LRBA: variants seen among roughly 807,000 people sequenced by gnomAD.
LRBA encodes the protein LPS responsive beige-like anchor protein.
LRBA carries 176 observed loss-of-function variants against 330.0 expected under a neutral mutation model. That is an observed-to-expected ratio of 0.53 (90% CI 0.47 to 0.60). The LOEUF (loss-of-function observed/expected upper bound fraction) is 0.60, where lower values mean the gene tolerates loss of function less well. LRBA is among the 20% of genes least tolerant of loss of function. LRBA has a pLI of 0.00. For missense variants in LRBA, 3,259 were observed against 3,444.8 expected (o/e 0.95, Z 1.35); for synonymous variants, 1,230 against 1,193.0 (o/e 1.03, Z -0.64).
intron 36 of LRBA, among the ~76,000 whole-genome samples, chr4:150,723,497 T>C (rs1264931460): frequency 6.6e-6 from 1 of 152,112 alleles, no homozygotes; most frequent in Non-Finnish European, 1.5e-5. Context: ...AAGGATCCAG[T>C]CCTGGTAGGA....
chr4:150,656,450 G>C (rs1001430768), intron 37 of LRBA, among the ~76,000 whole-genome samples: 1 of 152,144 alleles, frequency 6.6e-6, no homozygotes. Flanking sequence ...CCAGAGGTTA[G>C]ATAAAACCAG....
chr4:150,610,194 C>G (rs1775090499), intron 37 of LRBA, among the ~76,000 whole-genome samples: 3 of 152,136 alleles, frequency 2.0e-5, no homozygotes, highest in African/African-American at 7.2e-5. Context: ...GAAGGTCCAG[C>G]TGAGTTTGGA....
At chr4:150,574,500 A>G (rs1770281709) in intron 40 of LRBA, among the ~76,000 whole-genome samples, 1 of 152,028 alleles carries the variant, frequency 6.6e-6, no homozygotes, top group African/African-American at 2.4e-5. Flanking sequence ...AATAATGGAT[A>G]AAGATAGTGA....
intron 35 of LRBA, among the ~76,000 whole-genome samples, chr4:150,745,387 GA>G (rs1732550760): frequency 6.6e-6 from 1 of 151,168 alleles, no homozygotes; most frequent in Admixed American, 6.6e-5. Flanking sequence ...TACTAAAGAT[GA>G]AAAAAAGCTC....
intron 37 of LRBA, among the ~76,000 whole-genome samples, chr4:150,615,827 A>G (rs1775722004): frequency 6.6e-6 from 1 of 152,012 alleles, no homozygotes; most frequent in Admixed American, 6.6e-5. Context: ...AGCCAGTGAC[A>G]TGCAAGCAGA....
intron 2 of LRBA, among the ~76,000 whole-genome samples, chr4:151,007,928 A>G (rs1468952768): frequency 2.6e-5 from 4 of 151,998 alleles, no homozygotes; most frequent in Non-Finnish European, 5.9e-5. Flanking sequence ...TTGACTTAAA[A>G]TGAATCATAG....
intron 16 of LRBA, among the ~76,000 whole-genome samples, chr4:150,894,909 T>G (rs1365068647): frequency 6.6e-6 from 1 of 152,154 alleles, no homozygotes; most frequent in Non-Finnish European, 1.5e-5. Context: ...GAATTGCCTA[T>G]TCAAGAGGAA....
At chr4:150,611,936 T>C (rs1246342524) in intron 37 of LRBA, among the ~76,000 whole-genome samples, 1 of 152,108 alleles carries the variant, frequency 6.6e-6, no homozygotes, top group East Asian at 1.9e-4. Flanking sequence ...AAGGCCTCAC[T>C]CTGTTGCTCA....
chr4:150,279,345 GC>G (rs1747214379), intron 55 of LRBA, among the ~76,000 whole-genome samples: 1 of 152,084 alleles, frequency 6.6e-6, no homozygotes, highest in Non-Finnish European at 1.5e-5. Flanking sequence ...TCCAAGCCTT[GC>G]TTTCTTAGCT....
intron 31 of LRBA, among the ~76,000 whole-genome samples, chr4:150,815,343 T>C (rs1252722209): frequency 6.6e-6 from 1 of 150,464 alleles, no homozygotes; most frequent in Non-Finnish European, 1.5e-5. Flanking sequence ...AAATTATTTC[T>C]TCTCCAAAGG....
At chr4:150,474,969 G>T (rs540191710) in intron 42 of LRBA, among the ~76,000 whole-genome samples, 20 of 152,224 alleles carry the variant, frequency 1.3e-4, no homozygotes, top group African/African-American at 4.3e-4. Flanking sequence ...TTCTTTAGTT[G>T]AAAGTTACTT....
intron 36 of LRBA, among the ~76,000 whole-genome samples, chr4:150,700,918 C>G (rs1785059708): frequency 6.6e-6 from 1 of 151,968 alleles, no homozygotes; most frequent in Non-Finnish European, 1.5e-5. Flanking sequence ...CCACCACACC[C>G]CTGGCTAACT....
rs113891243 is a variant in LRBA, at chr4:150,367,832, T to C, written c.7195-17673A>G. On this transcript the variant is annotated intron_variant, in intron 47 of 56. Coordinates refer to ENST00000651943, the MANE Select transcript of LRBA (RefSeq NM_001364905.1). ...CCGAATGTTTTAGCTAATTCGTTCA[T>C]ATTCTTCTATGAAGAATATTCTCCT... Among the ~76,000 whole-genome samples, 1,513 of 152,300 alleles carry C rather than the reference T, an allele frequency of 9.9e-3. 22 individuals carry two copies. Among genetic ancestry groups the C allele is most frequent in the African/African-American group, 0.035 (1,439 of 41,558 alleles).
intron 37 of LRBA, 65 bp downstream of exon 37, chr4:150,683,485 GT>G (rs1783231657): frequency 8.1e-7 from 1 of 1,231,564 alleles, no homozygotes; most frequent in South Asian, 1.3e-5. Context: ...CATATCCAAA[GT>G]CATTTATCTA....
At chr4:151,009,592 T>G (rs1479923241) in intron 2 of LRBA, among the ~76,000 whole-genome samples, 1 of 150,254 alleles carries the variant, frequency 6.7e-6, no homozygotes, top group East Asian at 2.0e-4. Context: ...CATACGCCTC[T>G]AAGTCCTAGC....
At chr4:150,454,811 C>T (rs1753838883) in intron 44 of LRBA, among the ~76,000 whole-genome samples, 1 of 152,040 alleles carries the variant, frequency 6.6e-6, no homozygotes, top group African/African-American at 2.4e-5. Flanking sequence ...TTAGTTCCCG[C>T]TTACAAGTAA....
At chr4:150,821,427 G>A (rs1381864077) in intron 30 of LRBA, among the ~76,000 whole-genome samples, 1 of 151,724 alleles carries the variant, frequency 6.6e-6, no homozygotes, top group East Asian at 1.9e-4. Flanking sequence ...TTTTACAAAT[G>A]AGAAAGAAGT....
rs544787425 is a variant in LRBA at position 150,728,111 on chromosome 4, AG to A, written c.5754+7146del. Among the ~76,000 whole-genome samples, 11 of 152,296 alleles carry A rather than the reference AG, an allele frequency of 7.2e-5. No homozygotes were observed. In the South Asian group the frequency reaches 1.2e-3, roughly 17 times the overall value. On this transcript the variant is annotated intron_variant, in intron 36 of 56. Coordinates refer to ENST00000651943, the MANE Select transcript of LRBA (RefSeq NM_001364905.1). ...TGTCAATAAATTTGGAAAATCTAGA[AG>A]AAATGGATCAATTCCTAGATACATA...
chr4:150,895,439 C>A (rs1729957413), intron 16 of LRBA, among the ~76,000 whole-genome samples: 1 of 152,092 alleles, frequency 6.6e-6, no homozygotes, highest in Admixed American at 6.5e-5. Flanking sequence ...CCCGCTACCC[C>A]CACCCCACAA....
Sources: allele counts gnomAD v4.1 joint callset (sites outside exome capture counted in the v4.1 genomes callset), GRCh38; gene constraint gnomAD v4.1.1; transcripts MANE v1.5; gene names NCBI Gene and HGNC (gene_info 2026-07-23, HGNC 2026-07-21).